RBFOX1: variants seen among roughly 807,000 people sequenced by gnomAD.
RBFOX1 encodes RNA binding fox-1 homolog 1, also known as RNA binding protein fox-1 homolog 1.
In RBFOX1, 8 loss-of-function variants were observed where a neutral mutation model predicts 57.7. That is an observed-to-expected ratio of 0.14 (90% CI 0.08 to 0.25). RBFOX1 has a LOEUF of 0.25. RBFOX1 is among the 10% of genes least tolerant of loss of function. The probability of loss-of-function intolerance (pLI) is 1.00; values close to 1 mark genes in which losing one functional copy is unlikely to be tolerated. For synonymous variants in RBFOX1, 326 were observed against 222.4 expected, an observed-to-expected ratio of 1.47 and a Z score of -4.15; for missense variants, 611 against 548.5, an observed-to-expected ratio of 1.11 and a Z score of -1.14.
chr16:7,234,588 A>G lies in RBFOX1; in HGVS notation c.27+182490A>G, dbSNP rs201634998. Among the ~76,000 whole-genome samples the G allele has an allele frequency of 1.8e-4, 26 of 141,880 alleles. 1 individual carries two copies. In the South Asian group the frequency reaches 3.8e-3, roughly 21 times the overall value. 93.1% of individuals were successfully genotyped at this position (141,880 alleles called of 152,430 possible). The stretch of plus-strand genomic sequence containing the variant: ...TGTTGCAAATGACATGTGTATACAT[A>G]TGTGTGTGTGTGTGTGTGTGTATAT... On this transcript the variant is annotated intron_variant, in intron 4 of 15. Coordinates refer to ENST00000550418, the MANE Select transcript of RBFOX1 (RefSeq NM_018723.4).
chr16:6,188,875 A>T (rs1313592494), intron 1 of RBFOX1, among the ~76,000 whole-genome samples: 1 of 149,506 alleles, frequency 6.7e-6, no homozygotes. Flanking sequence ...GTAGTAGTGG[A>T]CTAAAACACC....
At chr16:7,333,246 T>A (rs1255872559) in intron 4 of RBFOX1, among the ~76,000 whole-genome samples, 2 of 152,248 alleles carry the variant, frequency 1.3e-5, no homozygotes, top group Non-Finnish European at 2.9e-5. Context: ...TGGATCACCC[T>A]AATCTAGCTA....
chr16:7,208,826 G>T (rs1004514867), intron 4 of RBFOX1, among the ~76,000 whole-genome samples: 6 of 152,064 alleles, frequency 3.9e-5, no homozygotes, highest in African/African-American at 1.2e-4. Flanking sequence ...TGAAGAGTGA[G>T]ATTCTGTGTC....
At chr16:5,976,960 C>T (rs1422505937) in intron 4 of RBFOX1, among the ~76,000 whole-genome samples, 3 of 152,186 alleles carry the variant, frequency 2.0e-5, no homozygotes, top group Non-Finnish European at 4.4e-5. Flanking sequence ...CTTCCTCCTG[C>T]ACGTGCACTT....
chr16:5,736,468 C>T (rs1472074571), intron 3 of RBFOX1, among the ~76,000 whole-genome samples: 1 of 152,152 alleles, frequency 6.6e-6, no homozygotes, highest in East Asian at 1.9e-4. Flanking sequence ...GCTTCTGCTG[C>T]GTTTCCCTCC....
chr16:6,602,105 A>T (rs563403569), intron 2 of RBFOX1, among the ~76,000 whole-genome samples: 1 of 151,828 alleles, frequency 6.6e-6, no homozygotes, highest in Non-Finnish European at 1.5e-5. Context: ...TTTATTGGCC[A>T]TTTGTCTGTC....
chr16:6,860,534 T>C (rs542796125), intron 3 of RBFOX1, among the ~76,000 whole-genome samples: 1 of 152,306 alleles, frequency 6.6e-6, no homozygotes, highest in East Asian at 1.9e-4. Flanking sequence ...TCAAGATGCA[T>C]GTAGTTTTGA....
chr16:7,531,936 T>C (rs570285865), intron 5 of RBFOX1, among the ~76,000 whole-genome samples: 2 of 152,112 alleles, frequency 1.3e-5, no homozygotes, highest in South Asian at 2.1e-4. Flanking sequence ...AGTGGCCCCA[T>C]AGAGTGAAAG....
chr16:6,862,797 C>G (rs1269849196), intron 3 of RBFOX1, among the ~76,000 whole-genome samples: 1 of 151,942 alleles, frequency 6.6e-6, no homozygotes, highest in Non-Finnish European at 1.5e-5. Context: ...TCAGCCTGGC[C>G]AAAATGGTGA....
At chr16:5,563,908 G>C (rs2045972968) in intron 2 of RBFOX1, among the ~76,000 whole-genome samples, 2 of 152,088 alleles carry the variant, frequency 1.3e-5, no homozygotes, top group African/African-American at 4.8e-5. Context: ...ATTTTCTTAA[G>C]TTTCTTGTCT....
chr16:7,287,727 C>T (rs552690241), intron 4 of RBFOX1, among the ~76,000 whole-genome samples: 1 of 152,100 alleles, frequency 6.6e-6, no homozygotes, highest in Non-Finnish European at 1.5e-5. Flanking sequence ...TTGAAAATAT[C>T]TATGTAGATC....
intron 1 of RBFOX1, among the ~76,000 whole-genome samples, chr16:6,178,255 C>T (rs1348891570): frequency 3.1e-5 from 4 of 130,560 alleles, no homozygotes; most frequent in African/African-American, 5.8e-5. Flanking sequence ...GGTGAGATCT[C>T]GGTTCACTGC....
intron 1 of RBFOX1, among the ~76,000 whole-genome samples, chr16:6,301,216 C>CT (rs2078782909): frequency 6.6e-6 from 1 of 152,172 alleles, no homozygotes; most frequent in African/African-American, 2.4e-5. Context: ...CAACCAGACT[C>CT]TAAATCCATG....
At chr16:6,001,611 T>C (rs934906551) in intron 4 of RBFOX1, among the ~76,000 whole-genome samples, 2 of 152,248 alleles carry the variant, frequency 1.3e-5, no homozygotes, top group Non-Finnish European at 2.9e-5. Context: ...GAGACAAGAT[T>C]ATTAACCTTA....
chr16:6,203,412 C>A (rs1353352295), intron 1 of RBFOX1, among the ~76,000 whole-genome samples: 1 of 152,088 alleles, frequency 6.6e-6, no homozygotes, highest in Non-Finnish European at 1.5e-5. Flanking sequence ...CAAGTAAATC[C>A]AAAAAGGATT....
intron 3 of RBFOX1, among the ~76,000 whole-genome samples, chr16:5,786,327 A>G (rs1361286460): frequency 6.6e-6 from 1 of 152,012 alleles, no homozygotes; most frequent in Non-Finnish European, 1.5e-5. Context: ...CAAGTCCAGG[A>G]TGGGGGCCCT....
At chr16:5,372,503 A>G (rs1031856961) in intron 1 of RBFOX1, among the ~76,000 whole-genome samples, 2 of 152,238 alleles carry the variant, frequency 1.3e-5, no homozygotes, top group African/African-American at 4.8e-5. Flanking sequence ...CTCAGTCTCC[A>G]GGACTCTGAT....
chr16:7,571,150 A>G (rs1321556580), intron 5 of RBFOX1, among the ~76,000 whole-genome samples: 1 of 152,136 alleles, frequency 6.6e-6, no homozygotes, highest in Admixed American at 6.5e-5. Context: ...GGGTGCAGCA[A>G]ATCACCATGG....
chr16:7,268,287 G>T lies in RBFOX1; in HGVS notation c.27+216189G>T, dbSNP rs151031693. Among the ~76,000 whole-genome samples the T allele has an allele frequency of 5.7e-3, 864 of 152,246 alleles. 10 individuals carry two copies. Among genetic ancestry groups the T allele is most frequent in the African/African-American group, 0.019 (801 of 41,542 alleles). Reference sequence around the variant, plus strand: ...GTGTTTGCATTTTCAAAATATTTTGGGTGCTATTCAGGGAACGGACAGTAG... The same window carrying T: ...GTGTTTGCATTTTCAAAATATTTTGTGTGCTATTCAGGGAACGGACAGTAG... On this transcript the variant is annotated intron_variant, in intron 4 of 15. Coordinates refer to ENST00000550418, the MANE Select transcript of RBFOX1 (RefSeq NM_018723.4).
Sources: gnomAD v4.1 joint callset for allele counts (sites outside exome capture counted in the v4.1 genomes callset) on GRCh38, gnomAD v4.1.1 for gene constraint, MANE v1.5 for transcripts, NCBI Gene and HGNC (gene_info 2026-07-23, HGNC 2026-07-21) for gene names.